Variants in DNAJC6 observed in about 807,000 individuals in gnomAD.
DNAJC6 encodes auxilin.
A neutral mutation model predicts 110.0 loss-of-function variants in DNAJC6; 34 were observed. The observed-to-expected ratio is 0.31, with a 90% CI of 0.24 to 0.41. DNAJC6 has a LOEUF of 0.41. DNAJC6 is among the 10% of genes least tolerant of loss of function. The probability of loss-of-function intolerance (pLI) is 1.00; values close to 1 mark genes in which losing one functional copy is unlikely to be tolerated. For missense variants in DNAJC6, 1,031 were observed against 1,207.8 expected (o/e 0.85, Z 2.17); for synonymous variants, 406 against 437.2 (o/e 0.93, Z 0.89).
chr1:65,354,390 C>T (rs1645522550), intron 1 of DNAJC6, among the ~76,000 whole-genome samples: 1 of 152,182 alleles, frequency 6.6e-6, no homozygotes, highest in Non-Finnish European at 1.5e-5. Flanking sequence ...TGCCACTGTG[C>T]TTAGTGCAAG....
chr1:65,348,192 G>A (rs1645455764), intron 1 of DNAJC6, among the ~76,000 whole-genome samples: 1 of 152,112 alleles, frequency 6.6e-6, no homozygotes, highest in Non-Finnish European at 1.5e-5. Flanking sequence ...AATCTTAATT[G>A]ACACCCAGAA....
intron 1 of DNAJC6, among the ~76,000 whole-genome samples, chr1:65,317,369 A>G (rs1458125822): frequency 6.6e-6 from 1 of 152,258 alleles, no homozygotes; most frequent in African/African-American, 2.4e-5. Context: ...CCAAGAAATT[A>G]GGAAGTTCCA....
intron 1 of DNAJC6, among the ~76,000 whole-genome samples, chr1:65,292,320 G>GTTT (rs11431945): frequency 7.4e-6 from 1 of 135,798 alleles, no homozygotes; most frequent in Non-Finnish European, 1.6e-5. Context: ...ACCCGGCCTG[G>GTTT]TTTTTTTTTT....
At chr1:65,370,352 A>G (rs1316315509) in intron 4 of DNAJC6, among the ~76,000 whole-genome samples, 3 of 152,226 alleles carry the variant, frequency 2.0e-5, no homozygotes, top group African/African-American at 4.8e-5. Flanking sequence ...ACCGCTATCT[A>G]TACTTAAACC....
rs2101644770 is a variant in DNAJC6, at chr1:65,411,333, C to T, written c.2718C>T (p.Thr906=). Residue 906 remains threonine (T), a synonymous_variant, in exon 18 of 19, where the codon ACC becomes ACT. Coordinates refer to ENST00000371069, the MANE Select transcript of DNAJC6 (RefSeq NM_001256864.2). ...TMHTVLWAGE[T]KWKPVGMADL... is the part of the protein sequence containing the mutation. Reference sequence around the variant, plus strand: ...ATACCGTACTATGGGCTGGGGAGACCAAGTGGAAACCAGTTGGCATGGCAG... The same window carrying T: ...ATACCGTACTATGGGCTGGGGAGACTAAGTGGAAACCAGTTGGCATGGCAG... 6.2e-7 allele frequency: 1 copy of T among 1,614,058 alleles called. No homozygotes were observed. The highest frequency in any genetic ancestry group is 2.2e-5 in the East Asian group (1 of 44,854).
At chr1:65,364,864 G>A in intron 2 of DNAJC6, 79 bp downstream of exon 2, 1 of 1,535,532 alleles carries the variant, frequency 6.5e-7, no homozygotes, top group Non-Finnish European at 8.8e-7. Context: ...TGCTTGTCTG[G>A]CTCAAAGAGT....
intron 1 of DNAJC6, among the ~76,000 whole-genome samples, chr1:65,321,272 C>T (rs987738528): frequency 6.6e-6 from 1 of 152,206 alleles, no homozygotes; most frequent in Non-Finnish European, 1.5e-5. Flanking sequence ...GCAATCATAG[C>T]TCACTGCTGC....
chr1:65,351,968 G>A (rs900547132), intron 1 of DNAJC6, among the ~76,000 whole-genome samples: 1 of 152,080 alleles, frequency 6.6e-6, no homozygotes, highest in Non-Finnish European at 1.5e-5. Flanking sequence ...GTTTCACCAT[G>A]TTGGCCAGGC....
At chr1:65,364,569 A>G in intron 1 of DNAJC6, 66 bp from the exon 2 acceptor site, 1 of 1,520,492 alleles carries the variant, frequency 6.6e-7, no homozygotes, top group Non-Finnish European at 8.8e-7. Context: ...ATGAAGAGGG[A>G]TTGGTTTTCC....
At chr1:65,330,466 T>TG (rs1385082173) in intron 1 of DNAJC6, among the ~76,000 whole-genome samples, 6 of 152,138 alleles carry the variant, frequency 3.9e-5, no homozygotes, top group African/African-American at 1.4e-4. Context: ...TTTCTTTTTT[T>TG]TTTGTTTTGT....
At chr1:65,356,068 T>C (rs1350347032) in intron 1 of DNAJC6, among the ~76,000 whole-genome samples, 2 of 152,100 alleles carry the variant, frequency 1.3e-5, no homozygotes, top group Non-Finnish European at 2.9e-5. Context: ...CAGTTCTGGC[T>C]GAACTGAAGC....
At position 65,395,034 on chromosome 1, in the gene DNAJC6, TA is replaced by T; in HGVS notation, c.2038+4del. The T allele has an allele frequency of 6.2e-7, 1 of 1,604,228 alleles. No homozygotes were observed. The highest frequency in any genetic ancestry group is 1.1e-5 in the South Asian group (1 of 88,778). ...GAAGTCCTTCGCCCACAGTACATGG[TA>T]AGGAAATATTTTATATTGTGTTCAG... On this transcript the variant is annotated splice_donor_region_variant and intron_variant, in intron 13 of 18. Coordinates refer to ENST00000371069, the MANE Select transcript of DNAJC6 (RefSeq NM_001256864.2).
chr1:65,272,855 G>A (rs1454844997), intron 1 of DNAJC6, among the ~76,000 whole-genome samples: 1 of 152,152 alleles, frequency 6.6e-6, no homozygotes, highest in Non-Finnish European at 1.5e-5. Flanking sequence ...TGTTTTAATA[G>A]TGTATGTTAT....
chr1:65,331,783 C>T (rs144853186), intron 1 of DNAJC6, among the ~76,000 whole-genome samples: 17 of 152,278 alleles, frequency 1.1e-4, no homozygotes, highest in African/African-American at 4.1e-4. Flanking sequence ...TATTGGGTGA[C>T]CAAATTGGCA....
Position 65,401,994 on chromosome 1 carries a change from T to C in DNAJC6, c.2227+114T>C, listed in dbSNP as rs1646034429. On this transcript the variant is annotated intron_variant, in intron 15 of 18. Transcript: ENST00000371069. ...TATTGTCACCTGGAACCTCAAATAG[T>C]GTGTATTCTTAAGCTATCCTCTGAA... 5 of 1,410,960 alleles carry C rather than the reference T, an allele frequency of 3.5e-6. No homozygotes were observed. In the South Asian group the frequency reaches 6.7e-5, roughly 19 times the overall value. The allele number at this position is 1,410,960 out of a possible 1,614,324, so 87.4% of individuals were successfully genotyped here.
At position 65,342,730 on chromosome 1, in the gene DNAJC6, G is replaced by A. The variant is rs186128764; in HGVS notation, c.194-21905G>A. 7.9e-5 allele frequency among the ~76,000 whole-genome samples: 12 copies of A among 152,300 alleles called. No individual in the cohort carries two copies. The East Asian group carries it at 2.1e-3, about 27-fold the overall frequency. On this transcript the variant is annotated intron_variant, in intron 1 of 18. Transcript: ENST00000371069. ...GTCTAGTTCCCAGGGATCAAAGGGTGCTTAATAAGTGATGGCTATTGCTGT... is the reference window on the plus strand; with the variant it reads ...GTCTAGTTCCCAGGGATCAAAGGGTACTTAATAAGTGATGGCTATTGCTGT...
Position 65,381,290 on chromosome 1 carries a change from A to G in DNAJC6, c.666+1766A>G, listed in dbSNP as rs1645819932. Reference sequence around the variant, plus strand: ...TAGTGGGGCGTGGTGGCTCATGCCTATAATTCCAGCACTTTGGGAGACTGA... The same window carrying G: ...TAGTGGGGCGTGGTGGCTCATGCCTGTAATTCCAGCACTTTGGGAGACTGA... On this transcript the variant is annotated intron_variant, in intron 5 of 18. Transcript: ENST00000371069. Among the ~76,000 whole-genome samples, 4 of 152,070 alleles carry G rather than the reference A, an allele frequency of 2.6e-5. No homozygotes were observed. The South Asian group carries it at 8.3e-4, about 32-fold the overall frequency.
chr1:65,308,468 A>T (rs1273337481), upstream of DNAJC6, among the ~76,000 whole-genome samples: 1 of 152,236 alleles, frequency 6.6e-6, no homozygotes, highest in Non-Finnish European at 1.5e-5. Flanking sequence ...GAAAATAAAC[A>T]TTCGATAATT....
intron 1 of DNAJC6, among the ~76,000 whole-genome samples, chr1:65,266,235 T>C (rs181889261): frequency 2.6e-5 from 4 of 151,462 alleles, no homozygotes; most frequent in Admixed American, 2.6e-4. Flanking sequence ...TCCCACCTCG[T>C]GGTGGGCAAT....
Sources: gnomAD v4.1 joint callset for allele counts (sites outside exome capture counted in the v4.1 genomes callset) on GRCh38, gnomAD v4.1.1 for gene constraint, MANE v1.5 for transcripts, NCBI Gene and HGNC (gene_info 2026-07-23, HGNC 2026-07-21) for gene names.